The following PKIG variants were observed in gnomAD, a reference collection of about 807,000 sequenced individuals.
The protein encoded by PKIG is cAMP-dependent protein kinase inhibitor gamma.
In PKIG, 1 loss-of-function variant was observed where a neutral mutation model predicts 6.8. The ratio of observed to expected loss-of-function variants is 0.15; its 90% CI spans 0.05 to 0.69. PKIG has a LOEUF of 0.69. Among genes scored for constraint, PKIG ranks in the 30% least tolerant of loss-of-function variants. The pLI is 0.82. For synonymous variants in PKIG, 39 were observed against 43.0 expected (o/e 0.91, Z 0.36); for missense variants, 77 against 104.0 (o/e 0.74, Z 1.13).
chr20:44,536,573 G>A (rs921831799), intron 1 of PKIG, among the ~76,000 whole-genome samples: 1 of 152,166 alleles, frequency 6.6e-6, no homozygotes, highest in Non-Finnish European at 1.5e-5. Context: ...GGTGGGAAGG[G>A]GCATCAGTCC....
intron 1 of PKIG, among the ~76,000 whole-genome samples, chr20:44,543,864 A>G (rs1238620812): frequency 6.6e-6 from 1 of 152,108 alleles, no homozygotes; most frequent in East Asian, 1.9e-4. Flanking sequence ...GGAATTCGAG[A>G]CCAGCCTGAC....
chr20:44,536,927 GT>G (rs1040910302), intron 1 of PKIG, among the ~76,000 whole-genome samples: 19 of 151,900 alleles, frequency 1.3e-4, no homozygotes, highest in African/African-American at 4.6e-4. Context: ...TTTGTTTTTT[GT>G]TTTTTTGTGT....
At chr20:44,585,397 T>C (rs2064981772) in intron 1 of PKIG, among the ~76,000 whole-genome samples, 1 of 152,214 alleles carries the variant, frequency 6.6e-6, no homozygotes, top group East Asian at 1.9e-4. Flanking sequence ...TTTGGTATCT[T>C]CCTGAAATAA....
At chr20:44,539,648 AC>A (rs1336043432) in intron 1 of PKIG, among the ~76,000 whole-genome samples, 1 of 151,604 alleles carries the variant, frequency 6.6e-6, no homozygotes, top group Non-Finnish European at 1.5e-5. Flanking sequence ...TGAACTTCTG[AC>A]CTCAGGTGAT....
chr20:44,618,281 C>T lies in PKIG; in HGVS notation c.152-4C>T. On this transcript the variant is annotated splice_polypyrimidine_tract_variant and splice_region_variant and intron_variant, in intron 3 of 3. Transcript: ENST00000372886. ...CAAGAAAAACCTCTTTCTCTCCTCT[C>T]CAGAAGGACAGGTGGAGGGAAGCGC... 6.2e-7 allele frequency: 1 copy of T among 1,606,154 alleles called. No homozygotes were observed. The highest frequency in any genetic ancestry group is 8.5e-7 in the Non-Finnish European group (1 of 1,172,804).
chr20:44,539,649 C>T (rs1237810798), intron 1 of PKIG, among the ~76,000 whole-genome samples: 1 of 151,906 alleles, frequency 6.6e-6, no homozygotes, highest in Non-Finnish European at 1.5e-5. Flanking sequence ...GAACTTCTGA[C>T]CTCAGGTGAT....
In PKIG at chr20:44,539,639, G is replaced by A. The variant is rs2064543452; in HGVS notation, c.-241+7661G>A. 2.0e-5 allele frequency among the ~76,000 whole-genome samples: 3 copies of A among 151,912 alleles called. No individual in the cohort carries two copies. In the South Asian group the frequency reaches 6.2e-4, roughly 32 times the overall value. ...TCACCATGTTGACCAGGCTGGTCTT[G>A]AACTTCTGACCTCAGGTGATCCACC... On this transcript the variant is annotated intron_variant, in intron 1 of 4. Coordinates refer to the PKIG transcript ENST00000372887.
intron 2 of PKIG, among the ~76,000 whole-genome samples, chr20:44,596,335 A>AG (rs2065074674): frequency 6.6e-6 from 1 of 152,208 alleles, no homozygotes; most frequent in Non-Finnish European, 1.5e-5. Flanking sequence ...GGGAAGAGGA[A>AG]GAGGGACTCA....
At chr20:44,617,312 G>T (rs1265021203) in intron 3 of PKIG, among the ~76,000 whole-genome samples, 1 of 152,116 alleles carries the variant, frequency 6.6e-6, no homozygotes, top group Non-Finnish European at 1.5e-5. Context: ...GTGTCACTGG[G>T]GTTTAAGAAT....
At position 44,618,645 on chromosome 20, in the gene PKIG, G is replaced by C; in HGVS notation, c.*281G>C. On this transcript the variant is annotated 3_prime_UTR_variant, in exon 4 of 4. Coordinates refer to ENST00000372886, the MANE Select transcript of PKIG (RefSeq NM_001281445.2). Reference sequence around the variant, plus strand: ...ATTTATTGAGCTGGCGCCGGGACTTGGGCGGGGCCTGCCCTACAGTGAGCA... The same window carrying C: ...ATTTATTGAGCTGGCGCCGGGACTTCGGCGGGGCCTGCCCTACAGTGAGCA... 2.7e-6 allele frequency: 1 copy of C among 371,626 alleles called. No individual in the cohort carries two copies. Among genetic ancestry groups the C allele is most frequent in the Non-Finnish European group, 5.2e-6 (1 of 194,134 alleles). The allele number at this position is 371,626 out of a possible 1,614,324, so 23.0% of individuals were successfully genotyped here. A position where few individuals can be genotyped will look rare whatever the true frequency, so the allele number is the denominator to read the frequency against.
At chr20:44,567,096 TA>T (rs1359093139) in intron 1 of PKIG, among the ~76,000 whole-genome samples, 3 of 152,098 alleles carry the variant, frequency 2.0e-5, no homozygotes, top group East Asian at 1.9e-4. Flanking sequence ...AAGCATTTCT[TA>T]AAAAAAAGTA....
intron 1 of PKIG, among the ~76,000 whole-genome samples, chr20:44,572,038 C>G (rs1257216287): frequency 6.6e-6 from 1 of 152,226 alleles, no homozygotes; most frequent in African/African-American, 2.4e-5. Flanking sequence ...GAGTCTCGCT[C>G]TGTTGCCCAG....
intron 1 of PKIG, among the ~76,000 whole-genome samples, chr20:44,558,094 A>G (rs2064731143): frequency 6.6e-6 from 1 of 151,836 alleles, no homozygotes; most frequent in Non-Finnish European, 1.5e-5. Flanking sequence ...TATGTACTCT[A>G]TGCCATCCCT....
intron 2 of PKIG, among the ~76,000 whole-genome samples, chr20:44,608,014 A>C (rs73298331): frequency 0.068 from 10,314 of 152,064 alleles, 381 homozygotes; most frequent in South Asian, 0.15. Context: ...GTTTTAAATA[A>C]AGGAAAAAGG....
chr20:44,598,555 G>T (rs2065093879), intron 2 of PKIG: 1 of 152,232 alleles, frequency 6.6e-6, no homozygotes, highest in Non-Finnish European at 1.5e-5. Flanking sequence ...CCAGCCCCTA[G>T]GCCTTTGGCA....
chr20:44,585,745 T>C (rs1300520209), intron 1 of PKIG, among the ~76,000 whole-genome samples: 1 of 152,264 alleles, frequency 6.6e-6, no homozygotes, highest in Non-Finnish European at 1.5e-5. Flanking sequence ...TAGGCAGGTG[T>C]GTTCTCCAGT....
intron 1 of PKIG, among the ~76,000 whole-genome samples, chr20:44,576,207 A>G (rs2123314380): frequency 7.0e-6 from 1 of 143,822 alleles, no homozygotes; most frequent in East Asian, 2.0e-4. Context: ...GTGTTTAGAA[A>G]ATATTTATTG....
chr20:44,599,911 C>T (rs558243097), intron 2 of PKIG, among the ~76,000 whole-genome samples: 2 of 152,116 alleles, frequency 1.3e-5, no homozygotes, highest in Admixed American at 1.3e-4. Flanking sequence ...GTGGCATCCA[C>T]CACACCACAT....
intron 2 of PKIG, among the ~76,000 whole-genome samples, chr20:44,591,066 G>A (rs1400583496): frequency 6.6e-6 from 1 of 152,202 alleles, no homozygotes; most frequent in Non-Finnish European, 1.5e-5. Context: ...AAGCTTGTGG[G>A]TCTGGCTGAC....
Sources: allele counts gnomAD v4.1 joint callset (sites outside exome capture counted in the v4.1 genomes callset), GRCh38; gene constraint gnomAD v4.1.1; transcripts MANE v1.5; gene names NCBI Gene and HGNC (gene_info 2026-07-23, HGNC 2026-07-21).